GAS2: variants seen among roughly 807,000 people sequenced by gnomAD.
The protein encoded by GAS2 is growth arrest specific 2.
GAS2 carries 20 observed loss-of-function variants against 37.5 expected under a neutral mutation model. That is an observed-to-expected ratio of 0.53 (90% CI 0.37 to 0.77). The LOEUF is 0.77. GAS2 is among the 30% of genes least tolerant of loss of function. The probability of loss-of-function intolerance (pLI) is 0.00; values close to 1 mark genes in which losing one functional copy is unlikely to be tolerated. For missense variants in GAS2, 336 were observed against 373.4 expected (o/e 0.90, Z 0.82); for synonymous variants, 144 against 132.2 (o/e 1.09, Z -0.61).
chr11:22,719,348 C>A (rs907118691), intron 3 of GAS2, among the ~76,000 whole-genome samples: 1 of 152,016 alleles, frequency 6.6e-6, no homozygotes, highest in African/African-American at 2.4e-5. Flanking sequence ...TGGCAATCAC[C>A]GTTCTAGTCC....
At chr11:22,659,869 A>G (rs1011303055) in intron 1 of GAS2, among the ~76,000 whole-genome samples, 8 of 138,680 alleles carry the variant, frequency 5.8e-5, no homozygotes, top group Non-Finnish European at 1.2e-4. Flanking sequence ...AGAAAGGAAA[A>G]AATGGAGGGA....
intron 7 of GAS2, among the ~76,000 whole-genome samples, chr11:22,790,812 A>G (rs1856118490): frequency 2.6e-5 from 4 of 151,914 alleles, no homozygotes; most frequent in Admixed American, 2.0e-4. Flanking sequence ...TAACAAAGAT[A>G]TATTATTAAA....
chr11:22,742,799 C>G (rs1853158826), intron 5 of GAS2, among the ~76,000 whole-genome samples: 1 of 152,028 alleles, frequency 6.6e-6, no homozygotes, highest in Non-Finnish European at 1.5e-5. Context: ...ATTATTATTT[C>G]ACTTTGTAAA....
chr11:22,687,380 T>A (rs1850015717), intron 3 of GAS2, among the ~76,000 whole-genome samples: 1 of 152,250 alleles, frequency 6.6e-6, no homozygotes, highest in Middle Eastern at 3.4e-3. Flanking sequence ...TGCCTGAACA[T>A]TCTGATTTAA....
chr11:22,800,711 T>C (rs2134638249), intron 7 of GAS2, among the ~76,000 whole-genome samples: 1 of 152,186 alleles, frequency 6.6e-6, no homozygotes, highest in African/African-American at 2.4e-5. Context: ...CCTGACACAT[T>C]TCATACGAAT....
At chr11:22,637,979 T>C (rs931675580) in intron 1 of GAS2, among the ~76,000 whole-genome samples, 1 of 151,970 alleles carries the variant, frequency 6.6e-6, no homozygotes, top group Admixed American at 6.6e-5. Flanking sequence ...CTTTTTCCAG[T>C]TTCAGTTTTA....
chr11:22,783,575 G>T lies in GAS2; in HGVS notation c.723+27622G>T, dbSNP rs564921848. On this transcript the variant is annotated intron_variant, in intron 7 of 7. Transcript: ENST00000454584. Reference sequence around the variant, plus strand: ...CCTGTTACCCCACTCCCCAGGCCAAGTTTTCCAGTGACTTTTGAAGTAGTT... The same window carrying T: ...CCTGTTACCCCACTCCCCAGGCCAATTTTTCCAGTGACTTTTGAAGTAGTT... 2.6e-5 allele frequency among the ~76,000 whole-genome samples: 4 copies of T among 152,204 alleles called. No homozygotes were observed. The South Asian group carries it at 8.3e-4, about 32-fold the overall frequency.
chr11:22,705,474 A>G (rs997458125), intron 3 of GAS2, among the ~76,000 whole-genome samples: 3 of 152,194 alleles, frequency 2.0e-5, no homozygotes, highest in Admixed American at 2.0e-4. Flanking sequence ...CTAACTGTGT[A>G]CAAGATCTGA....
At chr11:22,626,232 T>G (rs774245028) in intron 1 of GAS2, 98 of 230,094 alleles carry the variant, frequency 4.3e-4, no homozygotes, top group Admixed American at 2.4e-3. Flanking sequence ...GGAAACGCTC[T>G]TAAATGAAAT....
chr11:22,753,226 A>C (rs138151690), intron 6 of GAS2, among the ~76,000 whole-genome samples: 2 of 152,166 alleles, frequency 1.3e-5, no homozygotes, highest in African/African-American at 4.8e-5. Flanking sequence ...GTAATGTAAG[A>C]AGCACAGATG....
intron 7 of GAS2, among the ~76,000 whole-genome samples, chr11:22,810,248 G>A (rs1224419390): frequency 6.6e-6 from 1 of 152,192 alleles, no homozygotes; most frequent in African/African-American, 2.4e-5. Context: ...AAGAGGAATT[G>A]GTCAACAGGA....
chr11:22,764,449 A>T (rs1345647680), intron 7 of GAS2, among the ~76,000 whole-genome samples: 1 of 151,120 alleles, frequency 6.6e-6, no homozygotes, highest in South Asian at 2.1e-4. Flanking sequence ...AGTCCCCGCT[A>T]CTCCGGAGGC....
At chr11:22,764,106 A>G (rs191499124) in intron 7 of GAS2, among the ~76,000 whole-genome samples, 33 of 152,364 alleles carry the variant, frequency 2.2e-4, no homozygotes, top group Admixed American at 2.0e-3. Context: ...AATGCAATAT[A>G]AGTAATAACT....
At chr11:22,765,188 A>G (rs1854620553) in intron 7 of GAS2, among the ~76,000 whole-genome samples, 1 of 152,302 alleles carries the variant, frequency 6.6e-6, no homozygotes, top group Admixed American at 6.5e-5. Flanking sequence ...GTGTGTGTAT[A>G]TATGTATGTA....
chr11:22,649,606 A>T (rs1590569592), intron 1 of GAS2, among the ~76,000 whole-genome samples: 1 of 151,924 alleles, frequency 6.6e-6, no homozygotes, highest in African/African-American at 2.4e-5. Context: ...CCTGTTATTG[A>T]TCTATTCAGA....
At chr11:22,707,218 G>T (rs531302336) in intron 3 of GAS2, among the ~76,000 whole-genome samples, 58 of 152,174 alleles carry the variant, frequency 3.8e-4, no homozygotes, top group Non-Finnish European at 7.1e-4. Context: ...CAAGTGGAAA[G>T]GCCACGGAAG....
intron 7 of GAS2, among the ~76,000 whole-genome samples, chr11:22,765,000 C>G (rs1266728335): frequency 6.6e-6 from 1 of 152,156 alleles, no homozygotes; most frequent in Non-Finnish European, 1.5e-5. Flanking sequence ...AATCAATGTA[C>G]AATTGCTTTT....
At chr11:22,697,555 A>G (rs1850594820) in intron 3 of GAS2, among the ~76,000 whole-genome samples, 1 of 152,140 alleles carries the variant, frequency 6.6e-6, no homozygotes, top group Admixed American at 6.5e-5. Flanking sequence ...TTTTCACGAT[A>G]CTGATTGTTC....
chr11:22,792,695 G>A (rs1306205951), intron 7 of GAS2, among the ~76,000 whole-genome samples: 2 of 152,196 alleles, frequency 1.3e-5, no homozygotes, highest in African/African-American at 2.4e-5. Flanking sequence ...GGAGACCTCT[G>A]GGTGGCCCCA....
Sources: allele counts gnomAD v4.1 joint callset (sites outside exome capture counted in the v4.1 genomes callset), GRCh38; gene constraint gnomAD v4.1.1; transcripts MANE v1.5; gene names NCBI Gene and HGNC (gene_info 2026-07-23, HGNC 2026-07-21).